The following TPD52 variants were observed in gnomAD, a reference collection of about 807,000 sequenced individuals.
The protein encoded by TPD52 is prostate and colon associated protein.
Under a neutral mutation model 31.3 loss-of-function variants are expected in TPD52, and 17 were observed. That is an observed-to-expected ratio of 0.54 (90% CI 0.37 to 0.82). The LOEUF (loss-of-function observed/expected upper bound fraction) is 0.82. Among genes scored for constraint, TPD52 ranks in the 40% least tolerant of loss-of-function variants. The pLI is 0.00. For missense variants in TPD52, 212 were observed against 240.1 expected, an observed-to-expected ratio of 0.88 and a Z score of 0.77; for synonymous variants, 83 against 89.6, an observed-to-expected ratio of 0.93 and a Z score of 0.42.
At chr8:80,048,058 T>C (rs1329027767) in intron 5 of TPD52, among the ~76,000 whole-genome samples, 1 of 152,142 alleles carries the variant, frequency 6.6e-6, no homozygotes, top group African/African-American at 2.4e-5. Context: ...CACATAGGCA[T>C]AGAACATATG....
intron 2 of TPD52, among the ~76,000 whole-genome samples, chr8:80,056,469 A>G (rs1247014690): frequency 6.6e-6 from 1 of 152,244 alleles, no homozygotes; most frequent in African/African-American, 2.4e-5. Flanking sequence ...ATACCTAATA[A>G]GAGTCTAGTA....
intron 1 of TPD52, among the ~76,000 whole-genome samples, chr8:80,094,199 CT>C (rs1816511868): frequency 2.0e-5 from 3 of 151,758 alleles, no homozygotes; most frequent in South Asian, 4.2e-4. Flanking sequence ...GAAAAATGCT[CT>C]CCTGAAACAC....
intron 1 of TPD52, among the ~76,000 whole-genome samples, chr8:80,127,177 G>A (rs1808677639): frequency 6.6e-6 from 1 of 151,600 alleles, no homozygotes; most frequent in Non-Finnish European, 1.5e-5. Context: ...TTCAGGTTTA[G>A]AAACCACTGT....
At chr8:80,128,063 C>T (rs924269697) in intron 1 of TPD52, among the ~76,000 whole-genome samples, 1 of 151,822 alleles carries the variant, frequency 6.6e-6, no homozygotes, top group Non-Finnish European at 1.5e-5. Flanking sequence ...ATGTCAAAGG[C>T]TATCTTAAAT....
chr8:80,126,897 G>A (rs569132311), intron 1 of TPD52, among the ~76,000 whole-genome samples: 1 of 152,264 alleles, frequency 6.6e-6, no homozygotes, highest in East Asian at 1.9e-4. Context: ...TGAGGTGGGA[G>A]GGTGGCTTGA....
chr8:80,047,519 T>C (rs893924214), intron 5 of TPD52, among the ~76,000 whole-genome samples: 2 of 152,204 alleles, frequency 1.3e-5, no homozygotes, highest in Non-Finnish European at 2.9e-5. Flanking sequence ...TTTTGGTTTT[T>C]AGCTCCACCC....
intron 5 of TPD52, among the ~76,000 whole-genome samples, chr8:80,046,004 A>G (rs1481436686): frequency 6.6e-6 from 1 of 152,178 alleles, no homozygotes; most frequent in Non-Finnish European, 1.5e-5. Context: ...GTGGATAAGT[A>G]AGTGCAAATT....
chr8:80,150,463 C>T (rs1445808416), intron 1 of TPD52, among the ~76,000 whole-genome samples: 1 of 152,166 alleles, frequency 6.6e-6, no homozygotes, highest in African/African-American at 2.4e-5. Flanking sequence ...CCTCCAGATC[C>T]CAAAATGGCA....
chr8:80,101,293 C>T (rs148764040), intron 1 of TPD52, among the ~76,000 whole-genome samples: 5 of 151,814 alleles, frequency 3.3e-5, no homozygotes, highest in Admixed American at 6.6e-5. Flanking sequence ...ACTAAAAATA[C>T]AAAAATTAGC....
rs768704341 is a variant in TPD52, at chr8:80,171,357, C to G, written c.19+68G>C. 1.9e-5 allele frequency: 30 copies of G among 1,578,208 alleles called. 1 individual carries two copies. The South Asian group carries it at 2.5e-4, about 13-fold the overall frequency. ...CGCCGGGCCGCGCTCAGCCCCGCGC[C>G]GAGCCAAAGCCCGAGTCCAAGCCCG... On this transcript the variant is annotated intron_variant, in intron 1 of 7. Transcript: ENST00000518937.
chr8:80,139,404 T>C (rs1003210964), intron 1 of TPD52, among the ~76,000 whole-genome samples: 7 of 122,162 alleles, frequency 5.7e-5, no homozygotes, highest in Non-Finnish European at 1.0e-4. Flanking sequence ...CCTAGGCTAG[T>C]ATTTTTATGA....
intron 1 of TPD52, among the ~76,000 whole-genome samples, chr8:80,096,291 A>AACAC (rs34309218): frequency 0.024 from 3,568 of 146,878 alleles, 121 homozygotes; most frequent in African/African-American, 0.083. Context: ...CACACACACA[A>AACAC]ACACACACAC....
intron 1 of TPD52, among the ~76,000 whole-genome samples, chr8:80,065,953 T>G (rs1813097234): frequency 7.3e-6 from 1 of 137,166 alleles, no homozygotes; most frequent in Non-Finnish European, 1.5e-5. Context: ...TTTTTTTTTT[T>G]GCAAAGAAAC....
Position 80,038,235 on chromosome 8 carries a change from A to T in TPD52, c.505T>A (p.Ser169Thr), listed in dbSNP as rs966277347. The T allele has an allele frequency of 4.3e-6, 7 of 1,613,150 alleles. No individual in the cohort carries two copies. The highest frequency in any genetic ancestry group is 5.9e-6 in the Non-Finnish European group (7 of 1,179,620). The change falls in exon 8 of 8, where the codon TCT (serine) becomes ACT (threonine). Residue 169 changes from serine to threonine, a missense_variant and splice_region_variant. Coordinates refer to ENST00000518937, the MANE Select transcript of TPD52 (RefSeq NM_001025253.3). ...GCAGGCTTGGTTCCCCCTACTTTAG[A>T]CTTAAAAAAAAGTTCAAAAAAGGGA... ...SFEEKVENLKSKVGGTKPAGG... is the reference protein window; with the variant it reads ...SFEEKVENLKTKVGGTKPAGG...
intron 1 of TPD52, among the ~76,000 whole-genome samples, chr8:80,090,708 G>GAAAGA (rs796129694): frequency 8.0e-6 from 1 of 124,354 alleles, no homozygotes; most frequent in Non-Finnish European, 1.8e-5. Context: ...TTATAAGAAA[G>GAAAGA]AAAAAAAAAA....
intron 1 of TPD52, among the ~76,000 whole-genome samples, chr8:80,076,979 T>TA (rs1034272996): frequency 4.6e-5 from 7 of 151,018 alleles, no homozygotes; most frequent in South Asian, 2.2e-4. Context: ...AAGTTTTTTT[T>TA]AAAAAAGAAA....
chr8:80,147,746 C>T (rs1318557442), intron 1 of TPD52, among the ~76,000 whole-genome samples: 1 of 151,912 alleles, frequency 6.6e-6, no homozygotes, highest in East Asian at 1.9e-4. Flanking sequence ...TAGTGAGGCC[C>T]TCTAGCCACT....
At chr8:80,083,404 A>G (rs1031815698) in intron 1 of TPD52, among the ~76,000 whole-genome samples, 1 of 152,156 alleles carries the variant, frequency 6.6e-6, no homozygotes, top group East Asian at 1.9e-4. Context: ...TTAAATTGTA[A>G]TAACACCCAC....
intron 1 of TPD52, among the ~76,000 whole-genome samples, chr8:80,136,902 T>C (rs939342073): frequency 2.0e-5 from 3 of 152,218 alleles, no homozygotes; most frequent in Admixed American, 1.3e-4. Flanking sequence ...TAAATAATTA[T>C]CCAGGCCCCA....
Sources: allele counts gnomAD v4.1 joint callset (sites outside exome capture counted in the v4.1 genomes callset), GRCh38; gene constraint gnomAD v4.1.1; transcripts MANE v1.5; gene names NCBI Gene and HGNC (gene_info 2026-07-23, HGNC 2026-07-21).